The following FRMD4A variants were observed in gnomAD, a reference collection of about 807,000 sequenced individuals.
The protein encoded by FRMD4A is FERM domain-containing protein 4A.
A neutral mutation model predicts 129.1 loss-of-function variants in FRMD4A; 29 were observed. That is an observed-to-expected ratio of 0.22 (90% CI 0.17 to 0.31). The LOEUF (loss-of-function observed/expected upper bound fraction) is 0.31. Among genes scored for constraint, FRMD4A ranks in the 10% least tolerant of loss-of-function variants. FRMD4A has a pLI of 1.00. For synonymous variants in FRMD4A, 634 were observed against 571.6 expected (o/e 1.11, Z -1.56); for missense variants, 1,272 against 1,375.8 (o/e 0.92, Z 1.19).
At chr10:14,327,524 A>G (rs115326471) in intron 2 of FRMD4A, among the ~76,000 whole-genome samples, 207 of 152,312 alleles carry the variant, frequency 1.4e-3, no homozygotes, top group African/African-American at 4.8e-3. Context: ...GGATCACTCA[A>G]TGAGTGGCAA....
chr10:14,038,117 T>C (rs1049205398), intron 2 of FRMD4A, among the ~76,000 whole-genome samples: 1 of 152,140 alleles, frequency 6.6e-6, no homozygotes, highest in Non-Finnish European at 1.5e-5. Flanking sequence ...AGTCAGGAGA[T>C]CGAGACCATC....
At chr10:13,654,345 G>A (rs1231179306) in intron 23 of FRMD4A, 71 bp downstream of exon 23, 1 of 995,986 alleles carries the variant, frequency 1.0e-6, no homozygotes, top group East Asian at 2.4e-5. Context: ...ATATCCTTAT[G>A]TCACCAGGAT....
chr10:14,313,201 AAT>A (rs964254233), intron 2 of FRMD4A, among the ~76,000 whole-genome samples: 5 of 151,436 alleles, frequency 3.3e-5, no homozygotes, highest in Admixed American at 6.6e-5. Flanking sequence ...AAAAAAAAAA[AAT>A]TTTTTTTTAA....
intron 16 of FRMD4A, among the ~76,000 whole-genome samples, chr10:13,672,455 C>G (rs902949493): frequency 6.6e-6 from 1 of 150,938 alleles, no homozygotes; most frequent in African/African-American, 2.4e-5. Context: ...TAGAAAATTC[C>G]AAAAAGGAGG....
intron 2 of FRMD4A, among the ~76,000 whole-genome samples, chr10:14,107,513 TA>T (rs1564297761): frequency 1.3e-5 from 2 of 152,236 alleles, no homozygotes. Context: ...TATATCATTC[TA>T]AATCTCTGAG....
intron 2 of FRMD4A, among the ~76,000 whole-genome samples, chr10:14,010,529 C>T (rs1206637236): frequency 6.6e-6 from 1 of 151,860 alleles, no homozygotes; most frequent in African/African-American, 2.4e-5. Context: ...CTCCCCAGTC[C>T]CCGCGGAGTA....
At chr10:14,184,619 C>A (rs1842023518) in intron 2 of FRMD4A, among the ~76,000 whole-genome samples, 1 of 152,108 alleles carries the variant, frequency 6.6e-6, no homozygotes, top group South Asian at 2.1e-4. Flanking sequence ...GTGCCCGTCT[C>A]CTGAGGAGCC....
intron 2 of FRMD4A, among the ~76,000 whole-genome samples, chr10:14,016,469 C>T (rs931679342): frequency 8.5e-5 from 13 of 152,230 alleles, no homozygotes; most frequent in Non-Finnish European, 1.3e-4. Flanking sequence ...TGCACTTCAC[C>T]GTCTAGCCAT....
At chr10:14,088,468 C>G (rs951253943) in intron 2 of FRMD4A, among the ~76,000 whole-genome samples, 1 of 146,904 alleles carries the variant, frequency 6.8e-6, no homozygotes, top group African/African-American at 2.5e-5. Context: ...AAAAAAGGAA[C>G]GACGAATCAG....
At chr10:14,001,086 T>C (rs1047927974) in intron 2 of FRMD4A, among the ~76,000 whole-genome samples, 7 of 152,204 alleles carry the variant, frequency 4.6e-5, no homozygotes, top group South Asian at 2.1e-4. Flanking sequence ...GGTTTCCTTA[T>C]GCTAGCATCT....
intron 4 of FRMD4A, among the ~76,000 whole-genome samples, chr10:13,801,078 C>G (rs34342053): frequency 0.07 from 10,692 of 152,230 alleles, 442 homozygotes; most frequent in African/African-American, 0.11. Context: ...GAAACCCCGT[C>G]TCTACCAAAA....
At chr10:14,324,988 T>C (rs964476916) in intron 2 of FRMD4A, among the ~76,000 whole-genome samples, 1 of 152,216 alleles carries the variant, frequency 6.6e-6, no homozygotes, top group Non-Finnish European at 1.5e-5. Flanking sequence ...GCAAATTATC[T>C]GAGTCATCTT....
chr10:13,989,478 C>T (rs2095595768), intron 2 of FRMD4A, among the ~76,000 whole-genome samples: 1 of 152,108 alleles, frequency 6.6e-6, no homozygotes, highest in Admixed American at 6.6e-5. Flanking sequence ...GACTCAGCCT[C>T]CCACCACGCC....
intron 2 of FRMD4A, among the ~76,000 whole-genome samples, chr10:14,217,695 C>T (rs1209505874): frequency 1.3e-5 from 2 of 152,232 alleles, no homozygotes; most frequent in African/African-American, 4.8e-5. Flanking sequence ...TGGCTCTCTG[C>T]AACCTAGGCG....
At chr10:14,124,364 A>C (rs1659878346) in intron 2 of FRMD4A, among the ~76,000 whole-genome samples, 2 of 152,156 alleles carry the variant, frequency 1.3e-5, no homozygotes, top group South Asian at 4.1e-4. Context: ...TTCACAGATA[A>C]GCAAACTGAA....
rs10558943 is a variant in FRMD4A, at chr10:13,769,209, TTGTGTGTGTGTG to T, written c.385-6541_385-6530del. Among the ~76,000 whole-genome samples the T allele has an allele frequency of 4.1e-5, 6 of 145,186 alleles. No individual in the cohort carries two copies. In the East Asian group the frequency reaches 1.2e-3, roughly 29 times the overall value. On this transcript the variant is annotated intron_variant, in intron 6 of 24. Transcript: ENST00000357447. ...AAGATTTTGTTTTAAAAGAGATGGG[TTGTGTGTGTGTG>T]TGTGTGTGTGTGTGTGTGCGTATGT...
intron 4 of FRMD4A, among the ~76,000 whole-genome samples, chr10:13,797,444 C>G (rs984277390): frequency 6.6e-6 from 1 of 152,120 alleles, no homozygotes; most frequent in Non-Finnish European, 1.5e-5. Context: ...GGCAGAAAGA[C>G]CAGCCCGTGC....
chr10:13,858,900 G>T lies in FRMD4A; in HGVS notation c.58C>A (p.Arg20Ser). The change falls in exon 3 of 25, where the codon CGC becomes AGC. Residue 20 changes from arginine to serine, a missense_variant. Around this residue, in one of 2 missense-constraint regions of FRMD4A, gnomAD observed 300 missense variants for 483.6 expected, o/e 0.62. Coordinates refer to ENST00000357447, the MANE Select transcript of FRMD4A (RefSeq NM_018027.5). ...TCAAGAAGATGTACTTGACATCGGC[G>T]GCCCTCCGTCATCTAAGAGGGAAGA... ...ALGLLMMTEG[R>S]RCQVHLLDDR... The T allele has an allele frequency of 6.3e-7, 1 of 1,598,134 alleles. No homozygotes were observed. Among genetic ancestry groups the T allele is most frequent in the Non-Finnish European group, 8.6e-7 (1 of 1,165,524 alleles).
At chr10:14,070,271 G>T (rs1041016717) in intron 2 of FRMD4A, among the ~76,000 whole-genome samples, 3 of 152,104 alleles carry the variant, frequency 2.0e-5, no homozygotes, top group Non-Finnish European at 4.4e-5. Flanking sequence ...CACACTTACT[G>T]CTCTCAGCAG....
Sources: gnomAD v4.1 joint callset for allele counts (sites outside exome capture counted in the v4.1 genomes callset) on GRCh38, gnomAD v4.1.1 for gene constraint, gnomAD v4.1.1 regional missense constraint, MANE v1.5 for transcripts, NCBI Gene and HGNC (gene_info 2026-07-23, HGNC 2026-07-21) for gene names.